Variants in SLC41A3 observed in about 807,000 individuals in gnomAD.
SLC41A3 encodes SLC41A1-like 2.
In SLC41A3, 44 loss-of-function variants were observed where a neutral mutation model predicts 45.4. That is an observed-to-expected ratio of 0.97 (90% CI 0.76 to 1.25). SLC41A3 has a LOEUF of 1.25. Ranked by LOEUF, SLC41A3 falls within the 50% of genes most tolerant of loss-of-function variation. The pLI is 0.00. For synonymous variants in SLC41A3, 256 were observed against 252.4 expected, an observed-to-expected ratio of 1.01 and a Z score of -0.13; for missense variants, 550 against 600.6, an observed-to-expected ratio of 0.92 and a Z score of 0.88.
chr3:126,050,231 C>A (rs1432422517), intron 3 of SLC41A3, among the ~76,000 whole-genome samples: 1 of 152,190 alleles, frequency 6.6e-6, no homozygotes, highest in African/African-American at 2.4e-5. Flanking sequence ...CCTGCCCCCA[C>A]CCCACCTGCC....
At chr3:126,009,571 A>G (rs1230352299) in intron 9 of SLC41A3, among the ~76,000 whole-genome samples, 1 of 152,226 alleles carries the variant, frequency 6.6e-6, no homozygotes, top group East Asian at 1.9e-4. Flanking sequence ...CAAAATGGAA[A>G]TAGACTTCTA....
At chr3:126,037,482 C>T (rs1271980268) in intron 3 of SLC41A3, among the ~76,000 whole-genome samples, 2 of 152,130 alleles carry the variant, frequency 1.3e-5, no homozygotes, top group Admixed American at 6.5e-5. Context: ...GAAAAGGTCA[C>T]CCTTGTTACA....
At chr3:126,017,711 G>C (rs1354174988) in intron 6 of SLC41A3, among the ~76,000 whole-genome samples, 2 of 152,130 alleles carry the variant, frequency 1.3e-5, no homozygotes, top group Non-Finnish European at 2.9e-5. Flanking sequence ...CAACACTCAG[G>C]GGTACCCAGG....
At chr3:126,033,554 G>A (rs866438496) in intron 4 of SLC41A3, 53 bp downstream of exon 4, 3 of 1,586,450 alleles carry the variant, frequency 1.9e-6, no homozygotes, top group Non-Finnish European at 2.6e-6. Flanking sequence ...TTCCCACCTG[G>A]GGAAGCCTGG....
chr3:126,007,877 C>A (rs1330678974), intron 10 of SLC41A3, among the ~76,000 whole-genome samples: 1 of 152,244 alleles, frequency 6.6e-6, no homozygotes, highest in Admixed American at 6.5e-5. Flanking sequence ...GTGCTCCCTG[C>A]AAAGGCCCCA....
intron 2 of SLC41A3, chr3:126,057,107 G>A (rs1488581437): frequency 3.0e-6 from 3 of 987,232 alleles, no homozygotes; most frequent in African/African-American, 1.7e-5. Flanking sequence ...TGCCTCCTCA[G>A]GCCAGCTCTA....
chr3:126,034,440 A>C (rs896684842), intron 3 of SLC41A3, among the ~76,000 whole-genome samples: 2 of 152,258 alleles, frequency 1.3e-5, no homozygotes, highest in African/African-American at 4.8e-5. Flanking sequence ...AGAAAAATAT[A>C]AAAATGTGCC....
At chr3:126,016,261 C>T (rs752269912) in intron 7 of SLC41A3, among the ~76,000 whole-genome samples, 26 of 152,188 alleles carry the variant, frequency 1.7e-4, no homozygotes, top group Non-Finnish European at 2.4e-4. Flanking sequence ...TCTGGAAGGG[C>T]GCTAACCCCA....
At chr3:126,086,508 GT>G (rs1945397423), upstream of SLC41A3, among the ~76,000 whole-genome samples, 3 of 21,218 alleles carry the variant, frequency 1.4e-4, no homozygotes, top group Non-Finnish European at 2.8e-4. Context: ...CTGTGTGTGT[GT>G]GTGTGTGTGT....
At chr3:126,098,264 C>T (rs1945642291) in intron 1 of SLC41A3, among the ~76,000 whole-genome samples, 1 of 152,046 alleles carries the variant, frequency 6.6e-6, no homozygotes, top group Admixed American at 6.6e-5. Flanking sequence ...GACTGGAGTC[C>T]TTAGAAGAGA....
chr3:126,023,746 C>A (rs1277309235), intron 5 of SLC41A3: 1 of 152,226 alleles, frequency 6.6e-6, no homozygotes, highest in South Asian at 2.1e-4. Flanking sequence ...TCAGACTGTG[C>A]TCTGAAGGGG....
At position 126,093,671 on chromosome 3, in the gene SLC41A3, A is replaced by T. The variant is rs899799824; in HGVS notation, c.-79+7758T>A. ...TTACAATGGGGAAATTCAAATTGTT[A>T]TATCTACTTCTGTTCCCTGGAAAGC... On this transcript the variant is annotated intron_variant, in intron 1 of 9. Transcript: ENST00000508835. Among the ~76,000 whole-genome samples, 3 of 152,250 alleles carry T rather than the reference A, an allele frequency of 2.0e-5. No individual in the cohort carries two copies. The East Asian group carries it at 5.8e-4, about 29-fold the overall frequency.
At chr3:126,081,607 A>T (rs778462248) in intron 1 of SLC41A3, among the ~76,000 whole-genome samples, 13 of 152,232 alleles carry the variant, frequency 8.5e-5, no homozygotes, top group Non-Finnish European at 2.9e-5. Flanking sequence ...GCAACTCAAA[A>T]ATATGTACAT....
chr3:126,006,730 A>G lies in SLC41A3; in HGVS notation c.*286T>C. ...CCTCTTCTTTACCTTCTCAGGCCAG[A>G]ACACCCTCCTCTCCACAAACGTGTG... On this transcript the variant is annotated 3_prime_UTR_variant, in exon 11 of 11. Transcript: ENST00000360370. The G allele has an allele frequency of 1.4e-6, 2 of 1,448,000 alleles. No individual in the cohort carries two copies. Among genetic ancestry groups the G allele is most frequent in the Non-Finnish European group, 1.8e-6 (2 of 1,104,658 alleles). 89.7% of individuals were successfully genotyped at this position (1,448,000 alleles called of 1,614,324 possible).
chr3:126,090,028 C>CTTTTTTTTTTTTTTTTTTTTTTTTTTTTT (rs59737864), intron 1 of SLC41A3, among the ~76,000 whole-genome samples: 1 of 99,336 alleles, frequency 1.0e-5, no homozygotes, highest in African/African-American at 3.8e-5. Flanking sequence ...TCAAGAAAAT[C>CTTTTTTTTTTTTTTTTTTTTTTTTTTTTT]TTTTTTTTTT....
intron 1 of SLC41A3, among the ~76,000 whole-genome samples, chr3:126,078,789 C>T (rs924698307): frequency 1.3e-5 from 2 of 152,054 alleles, no homozygotes; most frequent in African/African-American, 2.4e-5. Flanking sequence ...TACAAGGAAC[C>T]CCTCTCTCCT....
At chr3:126,079,238 ACC>A (rs67901455) in intron 1 of SLC41A3, among the ~76,000 whole-genome samples, 26,212 of 121,254 alleles carry the variant, frequency 0.22, 2,480 homozygotes, top group Middle Eastern at 0.34. Flanking sequence ...ACACACACAC[ACC>A]CACACACGAT....
chr3:126,096,106 T>C (rs1215969040), intron 1 of SLC41A3, among the ~76,000 whole-genome samples: 2 of 152,206 alleles, frequency 1.3e-5, no homozygotes, highest in East Asian at 3.8e-4. Context: ...AACAAATATT[T>C]AAAGCATCCC....
In SLC41A3 at chr3:126,026,249, C is replaced by T. The variant is rs1197156761; in HGVS notation, c.598+86G>A. 16 of 1,512,628 alleles carry T rather than the reference C, an allele frequency of 1.1e-5. No individual in the cohort carries two copies. Among genetic ancestry groups the T allele is most frequent in the Non-Finnish European group, 1.2e-5 (13 of 1,125,396 alleles). 93.7% of individuals were successfully genotyped at this position (1,512,628 alleles called of 1,614,324 possible). On this transcript the variant is annotated intron_variant, in intron 5 of 10. Coordinates refer to ENST00000360370, the MANE Select transcript of SLC41A3 (RefSeq NM_017836.4). The surrounding 1 kb of genome is among the most constrained non-coding windows in gnomAD (Gnocchi z 4.2). ...CCATTAGCAGTGGGACTCACACCCC[C>T]AGAAACTGAAAACACAATGAGCTCT...
Sources: allele counts gnomAD v4.1 joint callset (sites outside exome capture counted in the v4.1 genomes callset), GRCh38; gene constraint gnomAD v4.1.1; non-coding constraint Gnocchi (gnomAD v3.1); transcripts MANE v1.5; gene names NCBI Gene and HGNC (gene_info 2026-07-23, HGNC 2026-07-21).